The following PCDH15 variants were observed in gnomAD, a reference collection of about 807,000 sequenced individuals.
The protein encoded by PCDH15 is protocadherin related 15, also known as protocadherin-15.
Under a neutral mutation model 178.5 loss-of-function variants are expected in PCDH15, and 129 were observed. The observed-to-expected ratio is 0.72, with a 90% CI of 0.63 to 0.84. PCDH15 has a LOEUF of 0.84. PCDH15 is among the 40% of genes least tolerant of loss of function. The pLI, the probability that PCDH15 is intolerant of heterozygous loss-of-function variation, is 0.00. For missense variants in PCDH15, 2,230 were observed against 2,099.9 expected (o/e 1.06, Z -1.21); for synonymous variants, 800 against 732.0 (o/e 1.09, Z -1.50).
chr10:54,681,147 G>A (rs1414423264), intron 1 of PCDH15, among the ~76,000 whole-genome samples: 2 of 152,170 alleles, frequency 1.3e-5, no homozygotes, highest in Admixed American at 6.6e-5. Flanking sequence ...AAGAAACTGA[G>A]AGAATGGAGG....
intron 28 of PCDH15, among the ~76,000 whole-genome samples, chr10:53,844,113 A>C (rs1204036300): frequency 6.6e-6 from 1 of 151,620 alleles, no homozygotes. Flanking sequence ...TGCTTGTATA[A>C]ATGTGCTGAT....
At chr10:54,531,598 G>A (rs1487223740) in intron 2 of PCDH15, among the ~76,000 whole-genome samples, 1 of 151,982 alleles carries the variant, frequency 6.6e-6, no homozygotes, top group Non-Finnish European at 1.5e-5. Context: ...AAGCACCCAG[G>A]AATTCAAATT....
intron 1 of PCDH15, among the ~76,000 whole-genome samples, chr10:54,787,062 A>G (rs1459532840): frequency 1.3e-5 from 2 of 151,866 alleles, no homozygotes; most frequent in African/African-American, 2.4e-5. Context: ...CTTTGAAGGT[A>G]TCATCTTTAG....
intron 7 of PCDH15, among the ~76,000 whole-genome samples, chr10:54,323,670 G>T (rs1167974474): frequency 6.6e-6 from 1 of 152,018 alleles, no homozygotes; most frequent in African/African-American, 2.4e-5. Context: ...AACACCAAGT[G>T]CCCAGGGAAA....
At chr10:55,328,762 G>A (rs866579339) in intron 2 of PCDH15, among the ~76,000 whole-genome samples, 23 of 150,840 alleles carry the variant, frequency 1.5e-4, no homozygotes, top group Middle Eastern at 3.4e-3. Context: ...ATTCGGTACC[G>A]TAGGTCATCT....
intron 2 of PCDH15, among the ~76,000 whole-genome samples, chr10:55,591,119 T>C (rs1303848649): frequency 2.6e-5 from 4 of 152,088 alleles, no homozygotes; most frequent in Non-Finnish European, 5.9e-5. Flanking sequence ...TTTTAGCAAT[T>C]TACTTGTTTG....
intron 21 of PCDH15, 132 bp downstream of exon 21, chr10:53,995,517 A>G: frequency 1.3e-6 from 2 of 1,523,080 alleles, no homozygotes; most frequent in South Asian, 2.3e-5. Context: ...TAAGTAAAAG[A>G]ACATAAAATG....
intron 2 of PCDH15, among the ~76,000 whole-genome samples, chr10:54,967,990 A>G (rs556579768): frequency 3.5e-4 from 53 of 152,290 alleles, no homozygotes; most frequent in Admixed American, 2.5e-3. Context: ...CCTTGTCTCC[A>G]AATACAGTCA....
At chr10:55,595,613 TA>T (rs1308530787) in intron 2 of PCDH15, among the ~76,000 whole-genome samples, 4 of 152,236 alleles carry the variant, frequency 2.6e-5, no homozygotes, top group South Asian at 2.1e-4. Flanking sequence ...TTATTTAAGT[TA>T]TTTTTTTAAA....
chr10:54,025,833 G>T (rs2093069243), intron 18 of PCDH15, among the ~76,000 whole-genome samples: 1 of 151,934 alleles, frequency 6.6e-6, no homozygotes, highest in African/African-American at 2.4e-5. Flanking sequence ...TGGTGGTCAA[G>T]CCCCTCACAT....
chr10:54,962,092 A>C (rs767714080), intron 2 of PCDH15, among the ~76,000 whole-genome samples: 1 of 152,216 alleles, frequency 6.6e-6, no homozygotes, highest in Admixed American at 6.5e-5. Context: ...TGGATGTGGG[A>C]CAAGAATTTG....
intron 15 of PCDH15, among the ~76,000 whole-genome samples, chr10:54,132,574 A>C (rs1351507462): frequency 6.6e-6 from 1 of 152,196 alleles, no homozygotes; most frequent in Admixed American, 6.5e-5. Context: ...TTTGGATCCA[A>C]AGTATAAAAT....
intron 2 of PCDH15, among the ~76,000 whole-genome samples, chr10:55,481,534 C>A (rs1322050651): frequency 2.0e-5 from 3 of 151,422 alleles, no homozygotes; most frequent in South Asian, 2.1e-4. Flanking sequence ...GTATATTGTG[C>A]CTTTCTTCTC....
intron 2 of PCDH15, among the ~76,000 whole-genome samples, chr10:55,355,514 G>A (rs1188556855): frequency 6.6e-6 from 1 of 151,878 alleles, no homozygotes; most frequent in Non-Finnish European, 1.5e-5. Flanking sequence ...ATTTTCATGG[G>A]CTAATTTCAC....
At chr10:55,195,502 A>C (rs1840067253) in intron 1 of PCDH15, among the ~76,000 whole-genome samples, 2 of 150,832 alleles carry the variant, frequency 1.3e-5, no homozygotes, top group African/African-American at 4.9e-5. Context: ...AAAAAAAAAA[A>C]AAAATTAGGC....
At chr10:55,126,109 C>CT (rs1837893674) in intron 2 of PCDH15, among the ~76,000 whole-genome samples, 1 of 152,024 alleles carries the variant, frequency 6.6e-6, no homozygotes, top group African/African-American at 2.4e-5. Context: ...GCCTTTTCCT[C>CT]TCCCTTTCCT....
At chr10:55,219,657 C>A (rs1840812622) in intron 1 of PCDH15, among the ~76,000 whole-genome samples, 1 of 151,392 alleles carries the variant, frequency 6.6e-6, no homozygotes, top group South Asian at 2.1e-4. Context: ...GGCAGTGTCA[C>A]AAAAGTTTTA....
chr10:55,242,761 G>A (rs565857261), intron 1 of PCDH15, among the ~76,000 whole-genome samples: 3 of 152,110 alleles, frequency 2.0e-5, no homozygotes, highest in African/African-American at 4.8e-5. Flanking sequence ...TGAGGTGGGC[G>A]GATCATCTGT....
In PCDH15 at chr10:53,972,903, A is replaced by G. The variant is rs527926745; in HGVS notation, c.2869-11011T>C. Among the ~76,000 whole-genome samples, 37 of 152,286 alleles carry G rather than the reference A, an allele frequency of 2.4e-4. No individual in the cohort carries two copies. In the East Asian group the frequency reaches 7.0e-3, roughly 29 times the overall value. The stretch of plus-strand genomic sequence containing the variant: ...TGTGGCGATTCCTCAAGGATCTAGA[A>G]CTAGAAATACCATTTGACCCAGCCA... On this transcript the variant is annotated intron_variant, in intron 21 of 37. Transcript: ENST00000644397.
Sources: gnomAD v4.1 joint callset for allele counts (sites outside exome capture counted in the v4.1 genomes callset) on GRCh38, gnomAD v4.1.1 for gene constraint, MANE v1.5 for transcripts, NCBI Gene and HGNC (gene_info 2026-07-23, HGNC 2026-07-21) for gene names.